Variants in IMMP2L observed in about 807,000 individuals in gnomAD.
IMMP2L encodes the protein inner mitochondrial membrane peptidase subunit 2.
IMMP2L carries 18 observed loss-of-function variants against 19.3 expected under a neutral mutation model. The ratio of observed to expected loss-of-function variants is 0.93; its 90% confidence interval spans 0.64 to 1.38. The LOEUF is 1.38. IMMP2L is among the 40% of genes most tolerant of loss of function. The pLI, the probability that IMMP2L is intolerant of heterozygous loss-of-function variation, is 0.00. For synonymous variants in IMMP2L, 76 were observed against 73.0 expected (o/e 1.04, Z -0.21); for missense variants, 233 against 218.2 (o/e 1.07, Z -0.43).
chr7:111,547,597 C>A (rs1215732475), intron 1 of IMMP2L, among the ~76,000 whole-genome samples: 1 of 150,846 alleles, frequency 6.6e-6, no homozygotes, highest in Non-Finnish European at 1.5e-5. Flanking sequence ...GTTCTGTCAC[C>A]CAGGCTGGAG....
At chr7:110,774,591 A>G (rs1339429890) in intron 5 of IMMP2L, among the ~76,000 whole-genome samples, 1 of 152,080 alleles carries the variant, frequency 6.6e-6, no homozygotes, top group Non-Finnish European at 1.5e-5. Flanking sequence ...CATATATGGT[A>G]GCATTTTCAT....
chr7:111,304,608 T>C (rs913431873), intron 3 of IMMP2L, among the ~76,000 whole-genome samples: 2 of 151,744 alleles, frequency 1.3e-5, no homozygotes, highest in Non-Finnish European at 2.9e-5. Flanking sequence ...TGTATATACA[T>C]ATATAATGTA....
At chr7:110,860,012 A>G (rs966833574) in intron 5 of IMMP2L, among the ~76,000 whole-genome samples, 4 of 152,112 alleles carry the variant, frequency 2.6e-5, no homozygotes, top group Non-Finnish European at 5.9e-5. Flanking sequence ...GGAATTCATG[A>G]ACCAACCTGT....
intron 2 of IMMP2L, among the ~76,000 whole-genome samples, chr7:111,519,979 G>A (rs957391265): frequency 2.0e-5 from 3 of 152,076 alleles, no homozygotes; most frequent in African/African-American, 7.2e-5. Flanking sequence ...TGGCTGTGAA[G>A]AAGGCAGTTT....
intron 2 of IMMP2L, among the ~76,000 whole-genome samples, chr7:111,501,921 G>C (rs1383873189): frequency 6.6e-6 from 1 of 152,092 alleles, no homozygotes; most frequent in East Asian, 1.9e-4. Context: ...CAACTAATGA[G>C]CAAAATAACC....
chr7:111,147,129 T>C (rs1433177141), intron 3 of IMMP2L, among the ~76,000 whole-genome samples: 1 of 152,178 alleles, frequency 6.6e-6, no homozygotes, highest in African/African-American at 2.4e-5. Context: ...TCTCAAATTA[T>C]TTGGAAGAAT....
intron 3 of IMMP2L, among the ~76,000 whole-genome samples, chr7:111,187,367 C>T (rs1189249571): frequency 2.0e-5 from 3 of 152,128 alleles, no homozygotes; most frequent in Non-Finnish European, 4.4e-5. Flanking sequence ...ATAATGCTGG[C>T]ACTTTGAAAG....
chr7:110,837,381 GAA>G (rs1804601675), intron 5 of IMMP2L, among the ~76,000 whole-genome samples: 6 of 151,930 alleles, frequency 3.9e-5, no homozygotes, highest in Admixed American at 3.9e-4. Flanking sequence ...GAGAGACAGA[GAA>G]AGAGACAGAA....
chr7:111,495,063 T>G (rs905687191), intron 2 of IMMP2L, among the ~76,000 whole-genome samples: 2 of 152,136 alleles, frequency 1.3e-5, no homozygotes, highest in African/African-American at 2.4e-5. Flanking sequence ...TAATTAGTTA[T>G]GAATACCTAT....
chr7:111,333,537 G>A (rs756832158), intron 3 of IMMP2L, among the ~76,000 whole-genome samples: 28 of 152,026 alleles, frequency 1.8e-4, no homozygotes, highest in Admixed American at 3.9e-4. Context: ...TAAATATTGA[G>A]TGGATTGTAA....
At chr7:111,287,161 C>T (rs1026281010) in intron 3 of IMMP2L, among the ~76,000 whole-genome samples, 6 of 152,086 alleles carry the variant, frequency 3.9e-5, no homozygotes, top group Non-Finnish European at 8.8e-5. Flanking sequence ...CCACCTCAAT[C>T]CTGTCTGTGG....
chr7:111,311,611 C>A (rs1354754741), intron 3 of IMMP2L, among the ~76,000 whole-genome samples: 1 of 152,066 alleles, frequency 6.6e-6, no homozygotes, highest in Non-Finnish European at 1.5e-5. Context: ...GATACAGTTG[C>A]CCTCATTTCA....
chr7:110,732,808 G>C (rs1279455090), intron 5 of IMMP2L, among the ~76,000 whole-genome samples: 1 of 132,980 alleles, frequency 7.5e-6, no homozygotes, highest in Non-Finnish European at 1.6e-5. Context: ...TTTTTTTTTT[G>C]AGATAGGGTC....
chr7:110,978,695 A>G (rs1168062720), intron 3 of IMMP2L, among the ~76,000 whole-genome samples: 1 of 152,068 alleles, frequency 6.6e-6, no homozygotes, highest in Non-Finnish European at 1.5e-5. Context: ...TATCATCTAC[A>G]CTAAACATTC....
chr7:110,770,992 A>T (rs1287102970), intron 5 of IMMP2L, among the ~76,000 whole-genome samples: 2 of 152,134 alleles, frequency 1.3e-5, no homozygotes, highest in East Asian at 3.9e-4. Flanking sequence ...AGGGTCTATC[A>T]GGGATACTCA....
At chr7:110,800,332 A>G (rs1801158807) in intron 5 of IMMP2L, among the ~76,000 whole-genome samples, 1 of 152,072 alleles carries the variant, frequency 6.6e-6, no homozygotes, top group Admixed American at 6.6e-5. Flanking sequence ...CCTCCCGCCC[A>G]AAGCTGAATG....
intron 3 of IMMP2L, chr7:111,391,780 A>G (rs1832374815): frequency 1.5e-6 from 1 of 654,862 alleles, no homozygotes; most frequent in Non-Finnish European, 2.8e-6. Flanking sequence ...CTACGATAAG[A>G]GTATGAGTTC....
chr7:110,813,328 A>T (rs979411963), intron 5 of IMMP2L, among the ~76,000 whole-genome samples: 5 of 152,048 alleles, frequency 3.3e-5, no homozygotes, highest in African/African-American at 1.2e-4. Flanking sequence ...ACAGAAAAAA[A>T]TTACCATTTT....
intron 3 of IMMP2L, among the ~76,000 whole-genome samples, chr7:111,331,969 T>A (rs1292773028): frequency 6.6e-6 from 1 of 151,894 alleles, no homozygotes; most frequent in Non-Finnish European, 1.5e-5. Context: ...ATATATTTAT[T>A]TGTAGGTATA....
Sources: gnomAD v4.1 joint callset for allele counts (sites outside exome capture counted in the v4.1 genomes callset) on GRCh38, gnomAD v4.1.1 for gene constraint, MANE v1.5 for transcripts, NCBI Gene and HGNC (gene_info 2026-07-23, HGNC 2026-07-21) for gene names.